Variants in ASXL1 observed in about 807,000 individuals in gnomAD.
The protein encoded by ASXL1 is polycomb group protein ASXL1.
A neutral mutation model predicts 89.1 loss-of-function variants in ASXL1; 65 were observed. The ratio of observed to expected loss-of-function variants is 0.73; its 90% CI spans 0.60 to 0.90. The LOEUF is 0.90. Ranked by LOEUF, ASXL1 falls within the 40% of genes least tolerant of loss-of-function variation. The pLI, the probability that ASXL1 is intolerant of heterozygous loss-of-function variation, is 0.00. For missense variants in ASXL1, 1,786 were observed against 1,942.9 expected, an observed-to-expected ratio of 0.92 and a Z score of 1.52; for synonymous variants, 739 against 746.9, an observed-to-expected ratio of 0.99 and a Z score of 0.17.
intron 6 of ASXL1, chr20:32,428,894 C>T (rs1010562119): frequency 6.6e-6 from 2 of 302,474 alleles, no homozygotes; most frequent in Non-Finnish European, 1.3e-5. Context: ...TTCCTGACCT[C>T]AAGTGGTCTG....
chr20:32,431,624 A>G lies in ASXL1; in HGVS notation c.924A>G (p.Leu308=), dbSNP rs1600579101. 1 of 1,614,084 alleles carries G rather than the reference A, an allele frequency of 6.2e-7. No homozygotes were observed. Among genetic ancestry groups the G allele is most frequent in the Non-Finnish European group, 8.5e-7 (1 of 1,180,026 alleles). The change falls in exon 10 of 13, where the codon CTA becomes CTG. Residue 308 remains leucine (L), a synonymous_variant. Transcript: ENST00000375687. ...TGTTGCGTCTCAGCAGCAGTGCACT[A>G]AATAACGAGTTTTTTACCCATGCGG... ...DGLLRLSSSA[L]NNEFFTHAAQ...
chr20:32,423,630 A>G (rs558187845), intron 4 of ASXL1, among the ~76,000 whole-genome samples: 1 of 152,150 alleles, frequency 6.6e-6, no homozygotes, highest in Non-Finnish European at 1.5e-5. Context: ...GGCTCACTGC[A>G]GCCTGCATGT....
chr20:32,428,447 T>G, intron 6 of ASXL1, 25 bp downstream of exon 6: 4 of 1,579,120 alleles, frequency 2.5e-6, no homozygotes, highest in Non-Finnish European at 3.5e-6. Flanking sequence ...GAGCCTAGCC[T>G]GGGAGGATGA....
chr20:32,368,005 A>G (rs998430882), intron 3 of ASXL1, among the ~76,000 whole-genome samples: 7 of 152,350 alleles, frequency 4.6e-5, no homozygotes, highest in Admixed American at 2.6e-4. Flanking sequence ...TTTAGCATCC[A>G]GTGTGTTCCA....
At chr20:32,365,562 A>G (rs2048190508) in intron 1 of ASXL1, among the ~76,000 whole-genome samples, 1 of 152,210 alleles carries the variant, frequency 6.6e-6, no homozygotes. Context: ...TACCCTGAGT[A>G]GCTGCACAGG....
chr20:32,399,928 A>ATT (rs1174710789), intron 4 of ASXL1, among the ~76,000 whole-genome samples: 1 of 151,546 alleles, frequency 6.6e-6, no homozygotes, highest in African/African-American at 2.4e-5. Context: ...CGCCTGGCTC[A>ATT]TTTTTGTATT....
rs1404256471 is a variant in ASXL1, at chr20:32,428,160, T to G, written c.285T>G (p.Ala95=). 6.2e-7 allele frequency: 1 copy of G among 1,613,864 alleles called. No homozygotes were observed. The highest frequency in any genetic ancestry group is 8.5e-7 in the Non-Finnish European group (1 of 1,180,016). Residue 95 remains alanine, a synonymous_variant, in exon 5 of 13, where the codon GCT becomes GCG. Transcript: ENST00000375687. ...CCCTGCAGTGGTCTCGCCATCCAGC[T>G]ACAGTGGAGGGAGAGGAGCCAGAGG... The part of the protein sequence containing the change: ...KDALQWSRHP[A]TVEGEEPEDT...
chr20:32,380,258 C>T (rs538061638), intron 4 of ASXL1, among the ~76,000 whole-genome samples: 32 of 151,876 alleles, frequency 2.1e-4, no homozygotes, highest in Non-Finnish European at 3.4e-4. Flanking sequence ...GTAGCCTGGG[C>T]GACAAGAAGG....
intron 4 of ASXL1, among the ~76,000 whole-genome samples, chr20:32,370,441 G>T (rs1476384036): frequency 6.6e-6 from 1 of 151,952 alleles, no homozygotes; most frequent in Non-Finnish European, 1.5e-5. Context: ...ATTTACAAAT[G>T]TTTGTTTTAC....
chr20:32,417,916 T>TGTCA lies in ASXL1; in HGVS notation c.253-10209_253-10206dup, dbSNP rs915768003. Among the ~76,000 whole-genome samples the TGTCA allele has an allele frequency of 4.3e-4, 65 of 151,890 alleles. 1 individual carries two copies. Among genetic ancestry groups the TGTCA allele is most frequent in the African/African-American group, 1.5e-3 (64 of 41,372 alleles). On this transcript the variant is annotated intron_variant, in intron 4 of 12. Transcript: ENST00000375687. ...AAAGTTGGCCGGGCGCGGTGACTCATGTCAGTAATCCCAGCACTTTGGGAG... is the reference window on the plus strand; with the variant it reads ...AAAGTTGGCCGGGCGCGGTGACTCATGTCAGTCAGTAATCCCAGCACTTTGGGAG...
At chr20:32,378,983 C>G (rs2048436641) in intron 4 of ASXL1, among the ~76,000 whole-genome samples, 1 of 151,172 alleles carries the variant, frequency 6.6e-6, no homozygotes, top group African/African-American at 2.4e-5. Context: ...AAAAAAAAAC[C>G]TAGCCAGGTG....
chr20:32,411,710 A>G (rs2049052144), intron 4 of ASXL1, among the ~76,000 whole-genome samples: 1 of 148,320 alleles, frequency 6.7e-6, no homozygotes, highest in South Asian at 2.1e-4. Context: ...CCCAGCTTTT[A>G]TATTTTTAGT....
At chr20:32,380,017 C>T (rs1365300964) in intron 4 of ASXL1, among the ~76,000 whole-genome samples, 2 of 152,000 alleles carry the variant, frequency 1.3e-5, no homozygotes, top group Admixed American at 1.3e-4. Flanking sequence ...CATGGTGGCT[C>T]ACCCCTGTAA....
chr20:32,430,144 C>T (rs2011474424), intron 8 of ASXL1, 91 bp downstream of exon 8: 3 of 1,466,930 alleles, frequency 2.0e-6, no homozygotes, highest in East Asian at 4.8e-5. Context: ...ATTCCTTTAC[C>T]AGTTTATTTT....
At chr20:32,388,692 A>G (rs2048620910) in intron 4 of ASXL1, among the ~76,000 whole-genome samples, 1 of 152,110 alleles carries the variant, frequency 6.6e-6, no homozygotes, top group African/African-American at 2.4e-5. Flanking sequence ...CAAGTGTTAC[A>G]TTCTAATTTC....
Position 32,436,748 on chromosome 20 carries a change from T to C in ASXL1, c.4036T>C (p.Ser1346Pro). 1.9e-6 allele frequency: 3 copies of C among 1,614,110 alleles called. No individual in the cohort carries two copies. The highest frequency in any genetic ancestry group is 2.5e-6 in the Non-Finnish European group (3 of 1,180,018). Residue 1346 changes from serine to proline, a missense_variant, in exon 13 of 13, where the codon TCT (serine) becomes CCT (proline). Physicochemically the swap from Ser to Pro is moderately conservative, Grantham distance 74. Coordinates refer to ENST00000375687, the MANE Select transcript of ASXL1 (RefSeq NM_015338.6). ...GKLGPSTNSM[S>P]GGVQTPREDW... Reference sequence around the variant, plus strand: ...GTTGGGACCAAGCACAAACTCCATGTCTGGTGGGGTACAGACTCCAAGGGA... The same window carrying C: ...GTTGGGACCAAGCACAAACTCCATGCCTGGTGGGGTACAGACTCCAAGGGA...
At chr20:32,397,744 G>A (rs1333745270) in intron 4 of ASXL1, among the ~76,000 whole-genome samples, 2 of 152,168 alleles carry the variant, frequency 1.3e-5, no homozygotes, top group South Asian at 2.1e-4. Context: ...GGGCAGCATC[G>A]AAAGTTTACA....
At chr20:32,406,555 C>A (rs2048959352) in intron 4 of ASXL1, among the ~76,000 whole-genome samples, 1 of 152,074 alleles carries the variant, frequency 6.6e-6, no homozygotes, top group Non-Finnish European at 1.5e-5. Flanking sequence ...TGTCTCAAAT[C>A]TATTCCCTAA....
rs1223133675 is a variant in ASXL1, at chr20:32,435,132, T to C, written c.2420T>C (p.Val807Ala). The change falls in exon 13 of 13, where the codon GTT (valine) becomes GCT (alanine). Residue 807 changes from valine to alanine, a missense_variant. Around this residue, in one of 3 missense-constraint regions of ASXL1, gnomAD observed 1,418 missense variants for 1,427.8 expected, o/e 0.99. Transcript: ENST00000375687. ...ESDDEEQGPT[V>A]PADNGPIPSL... ...GATGATGAGGAGCAAGGACCCACCG[T>C]TCCTGCAGACAATGGTCCCATTCCG... 2 of 1,613,944 alleles carry C rather than the reference T, an allele frequency of 1.2e-6. No individual in the cohort carries two copies. The highest frequency in any genetic ancestry group is 1.7e-6 in the Non-Finnish European group (2 of 1,180,022).
Sources: gnomAD v4.1 joint callset for allele counts (sites outside exome capture counted in the v4.1 genomes callset) on GRCh38, gnomAD v4.1.1 for gene constraint, gnomAD v4.1.1 regional missense constraint, MANE v1.5 for transcripts, NCBI Gene and HGNC (gene_info 2026-07-23, HGNC 2026-07-21) for gene names.